PCDHA7: variants seen among roughly 807,000 people sequenced by gnomAD.
PCDHA7 encodes the protein protocadherin alpha-7.
In PCDHA7, 37 loss-of-function variants were observed where a neutral mutation model predicts 57.2. The ratio of observed to expected loss-of-function variants is 0.65; its 90% CI spans 0.50 to 0.85. The LOEUF (loss-of-function observed/expected upper bound fraction) is 0.85. Among genes scored for constraint, PCDHA7 ranks in the 40% least tolerant of loss-of-function variants. PCDHA7 has a pLI of 0.00. For missense variants in PCDHA7, 1,188 were observed against 1,241.8 expected (o/e 0.96, Z 0.65); for synonymous variants, 553 against 558.8 (o/e 0.99, Z 0.15).
chr5:140,980,229 T>C (rs2096881022), intron 2 of PCDHA7, among the ~76,000 whole-genome samples: 1 of 152,232 alleles, frequency 6.6e-6, no homozygotes, highest in South Asian at 2.1e-4. Flanking sequence ...TCTGAGCTGT[T>C]GGTGGAGACA....
chr5:140,939,215 G>C (rs1251785254), intron 1 of PCDHA7, among the ~76,000 whole-genome samples: 1 of 152,154 alleles, frequency 6.6e-6, no homozygotes, highest in African/African-American at 2.4e-5. Context: ...CCTTCTTGCT[G>C]TCTCTTCACC....
chr5:140,861,207 AC>A (rs2046795908), intron 1 of PCDHA7: 1 of 165,948 alleles, frequency 6.0e-6, no homozygotes, highest in East Asian at 1.8e-4. Context: ...TGTTTTACTA[AC>A]CAAAAGAGAG....
intron 1 of PCDHA7, chr5:140,841,259 G>GA: frequency 6.6e-7 from 1 of 1,517,710 alleles, no homozygotes; most frequent in East Asian, 2.3e-5. Flanking sequence ...AAAAGACTCT[G>GA]AAAGTACAGT....
At chr5:141,005,701 CAAA>C (rs59860837) in intron 3 of PCDHA7, among the ~76,000 whole-genome samples, 30 of 7,778 alleles carry the variant, frequency 3.9e-3, no homozygotes, top group African/African-American at 0.012. Context: ...AACTCCGTCT[CAAA>C]AAAAAAAAAA....
chr5:140,841,810 A>G (rs782078620), intron 1 of PCDHA7: 2 of 1,613,740 alleles, frequency 1.2e-6, no homozygotes. Context: ...CAGATGTTGG[A>G]GCTAACTCCG....
chr5:140,978,688 G>A (rs1258023605), intron 1 of PCDHA7, among the ~76,000 whole-genome samples: 2 of 152,238 alleles, frequency 1.3e-5, no homozygotes, highest in African/African-American at 4.8e-5. Context: ...TATTGGGCAA[G>A]GCAAAGCCAA....
chr5:140,891,468 T>C (rs1459925727), intron 1 of PCDHA7, among the ~76,000 whole-genome samples: 1 of 151,582 alleles, frequency 6.6e-6, no homozygotes, highest in Non-Finnish European at 1.5e-5. Context: ...TGTGAATTAA[T>C]GCCTTTACAT....
chr5:140,881,257 C>A, intron 1 of PCDHA7: 1 of 512,564 alleles, frequency 2.0e-6, no homozygotes, highest in Non-Finnish European at 2.5e-6. Context: ...CAAGGTTTTA[C>A]TCAGTGATGA....
Position 140,834,368 on chromosome 5 carries a change from A to G in PCDHA7, c.-16A>G. ...GGCAAGTTTTGCTGACTAGAAAAAC[A>G]AGCCAATAATTTGAAATGGTGTGCC... On this transcript the variant is annotated 5_prime_UTR_variant, in exon 1 of 4. Transcript: ENST00000525929. 1 of 1,555,360 alleles carries G rather than the reference A, an allele frequency of 6.4e-7. No homozygotes were observed. Among genetic ancestry groups the G allele is most frequent in the Non-Finnish European group, 8.7e-7 (1 of 1,152,566 alleles).
At chr5:140,911,607 T>C (rs1309017145) in intron 1 of PCDHA7, among the ~76,000 whole-genome samples, 1 of 152,222 alleles carries the variant, frequency 6.6e-6, no homozygotes, top group African/African-American at 2.4e-5. Context: ...CTTCATTATG[T>C]TCCTTAGTTC....
intron 1 of PCDHA7, chr5:140,926,714 C>G: frequency 1.1e-6 from 1 of 951,084 alleles, no homozygotes; most frequent in Non-Finnish European, 1.4e-6. Context: ...TGGCCAGCCC[C>G]GGCAATGCCG....
chr5:140,834,451 C>T lies in PCDHA7; in HGVS notation c.68C>T (p.Ala23Val), dbSNP rs1554134220. ...CTGCTGTTTATTATAATTCTAGCAG[C>T]TTGGGAGGCAGGGAGAGGCCAGCTC... ...HLLLFIIILA[A>V]WEAGRGQLHY... is the part of the protein sequence containing the mutation. The change falls in exon 1 of 4, where the codon GCT (alanine) becomes GTT (valine). Residue 23 changes from alanine (A) to valine (V), a missense_variant. Coordinates refer to ENST00000525929, the MANE Select transcript of PCDHA7 (RefSeq NM_018910.3). 2 of 1,594,820 alleles carry T rather than the reference C, an allele frequency of 1.3e-6. No individual in the cohort carries two copies. The highest frequency in any genetic ancestry group is 3.4e-5 in the Admixed American group (2 of 59,570).
At position 140,853,431 on chromosome 5, in the gene PCDHA7, T is replaced by C; in HGVS notation, c.2355+16693T>C. 3.0e-6 allele frequency: 3 copies of C among 985,312 alleles called. No homozygotes were observed. In the African/African-American group the frequency reaches 5.3e-5, roughly 17 times the overall value. The allele number at this position is 985,312 out of a possible 1,614,324, so 61.0% of individuals were successfully genotyped here. On this transcript the variant is annotated intron_variant, in intron 1 of 3. Coordinates refer to ENST00000525929, the MANE Select transcript of PCDHA7 (RefSeq NM_018910.3). ...AGAGGTGAAAGCAGAAGAGACACTTTCCTATTTTGCCTAATAGGTCTCCTT... is the reference window on the plus strand; with the variant it reads ...AGAGGTGAAAGCAGAAGAGACACTTCCCTATTTTGCCTAATAGGTCTCCTT...
chr5:140,951,762 A>G (rs2094630710), intron 1 of PCDHA7, among the ~76,000 whole-genome samples: 1 of 152,090 alleles, frequency 6.6e-6, no homozygotes, highest in Non-Finnish European at 1.5e-5. Flanking sequence ...GCGAAATCTC[A>G]TGACGTTCTT....
chr5:140,968,114 A>G, intron 1 of PCDHA7: 1 of 1,614,164 alleles, frequency 6.2e-7, no homozygotes, highest in Non-Finnish European at 8.5e-7. Context: ...ACCGCAGCTC[A>G]CATCCCTGCG....
chr5:140,884,403 T>A, intron 1 of PCDHA7: 1 of 1,613,992 alleles, frequency 6.2e-7, no homozygotes, highest in Middle Eastern at 1.6e-4. Context: ...AGCCTGTTGG[T>A]GCTCACGTTG....
In PCDHA7 at chr5:140,835,869, G is replaced by C. The variant is rs781933371; in HGVS notation, c.1486G>C (p.Glu496Gln). The C allele has an allele frequency of 1.2e-6, 2 of 1,612,094 alleles. No individual in the cohort carries two copies. The highest frequency in any genetic ancestry group is 8.5e-7 in the Non-Finnish European group (1 of 1,179,642). The change falls in exon 1 of 4, where the codon GAG becomes CAG. Residue 496 changes from glutamate to glutamine, a missense_variant. Coordinates refer to ENST00000525929, the MANE Select transcript of PCDHA7 (RefSeq NM_018910.3). ...KNALVSYSLVELRVGERALSS... is the reference protein window; with the variant it reads ...KNALVSYSLVQLRVGERALSS... ...CGCGCTGGTGTCCTACTCGCTGGTGGAGCTGCGGGTGGGCGAGCGCGCGCT... is the reference window on the plus strand; with the variant it reads ...CGCGCTGGTGTCCTACTCGCTGGTGCAGCTGCGGGTGGGCGAGCGCGCGCT...
rs782116961 is a variant in PCDHA7, at chr5:140,966,933, C to T, written c.2356-12016C>T. On this transcript the variant is annotated intron_variant, in intron 1 of 3. Transcript: ENST00000525929. ...GTGCCAGAGGAGCAGGCACCCGGCGCGCTCGTGGGCAACGTGGCTCGCGCG... is the reference window on the plus strand; with the variant it reads ...GTGCCAGAGGAGCAGGCACCCGGCGTGCTCGTGGGCAACGTGGCTCGCGCG... 2.5e-6 allele frequency: 4 copies of T among 1,603,904 alleles called. No individual in the cohort carries two copies. The highest frequency in any genetic ancestry group is 1.1e-5 in the South Asian group (1 of 90,778).
At chr5:140,941,255 C>CTTTCTTTCTTTCTTTCTT (rs782490896) in intron 1 of PCDHA7, among the ~76,000 whole-genome samples, 39 of 44,506 alleles carry the variant, frequency 8.8e-4, no homozygotes, top group Middle Eastern at 0.012. Flanking sequence ...TTCTTTCTTT[C>CTTTCTTTCTTTCTTTCTT]TCTTTCTTTC....
Sources: allele counts gnomAD v4.1 joint callset (sites outside exome capture counted in the v4.1 genomes callset), GRCh38; gene constraint gnomAD v4.1.1; transcripts MANE v1.5; gene names NCBI Gene and HGNC (gene_info 2026-07-23, HGNC 2026-07-21).